Variants in HCRTR2 observed in about 807,000 individuals in gnomAD.
The protein encoded by HCRTR2 is hypocretin receptor 2.
In HCRTR2, 22 loss-of-function variants were observed where a neutral mutation model predicts 49.0. The observed-to-expected ratio is 0.45, with a 90% CI of 0.32 to 0.64. The LOEUF (loss-of-function observed/expected upper bound fraction) is 0.64. Ranked by LOEUF, HCRTR2 falls within the 30% of genes least tolerant of loss-of-function variation. The probability of loss-of-function intolerance (pLI) is 0.04; values close to 1 mark genes in which losing one functional copy is unlikely to be tolerated. For synonymous variants in HCRTR2, 236 were observed against 205.3 expected (o/e 1.15, Z -1.28); for missense variants, 491 against 559.4 (o/e 0.88, Z 1.23).
intron 1 of HCRTR2, among the ~76,000 whole-genome samples, chr6:55,226,900 A>G (rs770576505): frequency 6.6e-6 from 1 of 151,858 alleles, no homozygotes; most frequent in South Asian, 2.1e-4. Context: ...GATTCTTTAC[A>G]TTATCAAAGA....
intron 1 of HCRTR2, among the ~76,000 whole-genome samples, chr6:55,193,795 A>G (rs889071152): frequency 1.3e-5 from 2 of 152,118 alleles, no homozygotes; most frequent in Non-Finnish European, 2.9e-5. Flanking sequence ...AATTTTATCA[A>G]TGTAAGAATA....
intron 1 of HCRTR2, among the ~76,000 whole-genome samples, chr6:55,109,668 C>T (rs1213662355): frequency 1.6e-5 from 2 of 123,172 alleles, no homozygotes; most frequent in African/African-American, 5.5e-5. Flanking sequence ...CTGATAAAGA[C>T]AAAGAAAAAA....
chr6:55,136,037 T>C (rs549760513), intron 1 of HCRTR2, among the ~76,000 whole-genome samples: 123 of 152,298 alleles, frequency 8.1e-4, no homozygotes, highest in African/African-American at 2.4e-3. Context: ...AAAGGAAATA[T>C]CTAATTAGTG....
intron 1 of HCRTR2, among the ~76,000 whole-genome samples, chr6:55,228,268 C>T (rs146844355): frequency 0.016 from 2,402 of 152,076 alleles, 59 homozygotes; most frequent in African/African-American, 0.054. Context: ...ATTAATAAGA[C>T]TTACACAACA....
At chr6:55,207,781 G>T (rs764347709) in intron 1 of HCRTR2, among the ~76,000 whole-genome samples, 1 of 152,052 alleles carries the variant, frequency 6.6e-6, no homozygotes, top group Admixed American at 6.6e-5. Context: ...TTCTTCTAAC[G>T]ATAAAATAGC....
intron 4 of HCRTR2, 83 bp from the exon 5 acceptor site, chr6:55,277,295 TCC>T: frequency 8.6e-7 from 1 of 1,161,930 alleles, no homozygotes; most frequent in East Asian, 2.4e-5. Flanking sequence ...TGGAAGCCTT[TCC>T]TTACTGTGTT....
intron 4 of HCRTR2, among the ~76,000 whole-genome samples, chr6:55,269,748 C>T (rs575748344): frequency 1.4e-3 from 206 of 152,108 alleles, no homozygotes; most frequent in African/African-American, 4.8e-3. Context: ...CACATGAGGC[C>T]AGGAGATCAA....
At chr6:55,224,345 C>T (rs1259536811) in intron 1 of HCRTR2, among the ~76,000 whole-genome samples, 3 of 151,974 alleles carry the variant, frequency 2.0e-5, no homozygotes, top group Non-Finnish European at 4.4e-5. Context: ...GGGCTGGGTG[C>T]GGTGGCTCAC....
intron 1 of HCRTR2, among the ~76,000 whole-genome samples, chr6:55,122,172 T>G (rs1764210108): frequency 6.6e-6 from 1 of 152,216 alleles, no homozygotes; most frequent in South Asian, 2.1e-4. Context: ...AGATTCAACT[T>G]CTTCCTGGTT....
chr6:55,134,496 A>G (rs1303000029), intron 1 of HCRTR2, among the ~76,000 whole-genome samples: 2 of 151,764 alleles, frequency 1.3e-5, no homozygotes, highest in Non-Finnish European at 2.9e-5. Flanking sequence ...CATAAGATTT[A>G]CCCTCATAGC....
At chr6:55,174,145 T>G (rs1249275120), upstream of HCRTR2, 1 of 228,278 alleles carries the variant, frequency 4.4e-6, no homozygotes, top group Non-Finnish European at 8.8e-6. Flanking sequence ...GAGATTTAAC[T>G]CTCACCCCCC....
At chr6:55,140,902 G>C (rs1764497071) in intron 1 of HCRTR2, among the ~76,000 whole-genome samples, 2 of 152,148 alleles carry the variant, frequency 1.3e-5, no homozygotes, top group South Asian at 2.1e-4. Flanking sequence ...TAGGCACGTA[G>C]AGGAAAAGAG....
intron 1 of HCRTR2, among the ~76,000 whole-genome samples, chr6:55,109,776 TAA>T (rs1009494201): frequency 6.6e-6 from 1 of 152,166 alleles, no homozygotes; most frequent in Non-Finnish European, 1.5e-5. Flanking sequence ...AAGAGAAATC[TAA>T]AAGTTTGTAA....
intron 1 of HCRTR2, among the ~76,000 whole-genome samples, chr6:55,115,131 A>C (rs1764097891): frequency 6.6e-6 from 1 of 151,758 alleles, no homozygotes; most frequent in Non-Finnish European, 1.5e-5. Context: ...TGAGTTTATT[A>C]CCTTATCTCT....
At chr6:55,248,164 T>C (rs544201845) in intron 1 of HCRTR2, among the ~76,000 whole-genome samples, 1 of 152,154 alleles carries the variant, frequency 6.6e-6, no homozygotes, top group Non-Finnish European at 1.5e-5. Context: ...GAATAATTGT[T>C]AGCTCTTACC....
intron 1 of HCRTR2, among the ~76,000 whole-genome samples, chr6:55,241,908 G>A (rs1049947146): frequency 7.3e-5 from 9 of 122,614 alleles, no homozygotes; most frequent in Admixed American, 1.8e-4. Flanking sequence ...TCACTCTGTC[G>A]CCCAGGCTGG....
At chr6:55,184,963 A>G (rs1765193128) in intron 1 of HCRTR2, among the ~76,000 whole-genome samples, 1 of 152,168 alleles carries the variant, frequency 6.6e-6, no homozygotes, top group Admixed American at 6.5e-5. Flanking sequence ...GTAGAGAACC[A>G]TATTGCTCAT....
At chr6:55,174,185 T>G, upstream of HCRTR2, 1 of 201,960 alleles carries the variant, frequency 5.0e-6, no homozygotes, top group Non-Finnish European at 1.0e-5. Context: ...TAAATTAGTT[T>G]TCATTACTTT....
chr6:55,115,748 T>C (rs1764107289), intron 1 of HCRTR2, among the ~76,000 whole-genome samples: 1 of 151,662 alleles, frequency 6.6e-6, no homozygotes, highest in Non-Finnish European at 1.5e-5. Context: ...ATATCAGCTG[T>C]TACTTAATCA....
Sources: gnomAD v4.1 joint callset for allele counts (sites outside exome capture counted in the v4.1 genomes callset) on GRCh38, gnomAD v4.1.1 for gene constraint, MANE v1.5 for transcripts, NCBI Gene and HGNC (gene_info 2026-07-23, HGNC 2026-07-21) for gene names.